The following SLC44A5 variants were observed in gnomAD, a reference collection of about 807,000 sequenced individuals.
SLC44A5 encodes choline transporter-like protein 5.
SLC44A5 carries 57 observed loss-of-function variants against 101.8 expected under a neutral mutation model. That is an observed-to-expected ratio of 0.56 (90% confidence interval 0.45 to 0.70). The LOEUF (loss-of-function observed/expected upper bound fraction) is 0.70. SLC44A5 is among the 30% of genes least tolerant of loss of function. The probability of loss-of-function intolerance (pLI) is 0.00; values close to 1 mark genes in which losing one functional copy is unlikely to be tolerated. For synonymous variants in SLC44A5, 281 were observed against 290.9 expected, an observed-to-expected ratio of 0.97 and a Z score of 0.35; for missense variants, 737 against 853.1, an observed-to-expected ratio of 0.86 and a Z score of 1.70.
the SLC44A5 span, among the ~76,000 whole-genome samples, chr1:75,681,914 A>T: frequency 6.6e-6 from 1 of 152,240 alleles, no homozygotes; most frequent in African/African-American, 2.4e-5. Context: ...GCAAAGTCTC[A>T]GGATACAAAA....
At chr1:75,351,846 C>CAAAAAAAAAAAAAAAAAAAAA in intron 3 of SLC44A5, among the ~76,000 whole-genome samples, 1 of 28,402 alleles carries the variant, frequency 3.5e-5, no homozygotes, top group Non-Finnish European at 5.9e-5. Context: ...CACACTTTAC[C>CAAAAAAAAAAAAAAAAAAAAA]AAAAAAAAAA....
At chr1:75,467,795 C>G (rs1013828121) in intron 2 of SLC44A5, among the ~76,000 whole-genome samples, 11 of 152,050 alleles carry the variant, frequency 7.2e-5, no homozygotes, top group Admixed American at 3.3e-4. Context: ...GAGTAATACC[C>G]CACAAGTGCA....
chr1:75,267,226 TAAAG>T (rs1217990816), intron 6 of SLC44A5, among the ~76,000 whole-genome samples: 1 of 152,140 alleles, frequency 6.6e-6, no homozygotes, highest in Non-Finnish European at 1.5e-5. Flanking sequence ...TATCAGGAAA[TAAAG>T]ACTGAGGTAG....
chr1:75,538,472 A>G (rs1199925824), intron 2 of SLC44A5, among the ~76,000 whole-genome samples: 1 of 152,218 alleles, frequency 6.6e-6, no homozygotes, highest in Non-Finnish European at 1.5e-5. Context: ...AAATTTTACA[A>G]TAAAGCATTG....
chr1:75,328,674 T>A (rs555734648), intron 4 of SLC44A5, among the ~76,000 whole-genome samples: 2 of 152,298 alleles, frequency 1.3e-5, no homozygotes, highest in South Asian at 4.1e-4. Context: ...ATGGCCCTCC[T>A]TAATTCCCTA....
chr1:75,493,627 A>T (rs1283840622), intron 2 of SLC44A5, among the ~76,000 whole-genome samples: 1 of 152,202 alleles, frequency 6.6e-6, no homozygotes, highest in African/African-American at 2.4e-5. Context: ...GGAAAAAAAT[A>T]GCTTTTAATA....
intron 3 of SLC44A5, among the ~76,000 whole-genome samples, chr1:75,388,810 T>C (rs1328791393): frequency 2.0e-5 from 3 of 150,552 alleles, no homozygotes; most frequent in Non-Finnish European, 4.4e-5. Flanking sequence ...AACTCACATA[T>C]CAATATTAAC....
chr1:75,525,855 A>G (rs1421831122), intron 2 of SLC44A5, among the ~76,000 whole-genome samples: 1 of 152,246 alleles, frequency 6.6e-6, no homozygotes, highest in Non-Finnish European at 1.5e-5. Flanking sequence ...TAGCTATACA[A>G]AGTAAATATG....
chr1:75,593,388 GA>G (rs1164967821), intron 1 of SLC44A5, among the ~76,000 whole-genome samples: 4 of 152,084 alleles, frequency 2.6e-5, no homozygotes, highest in African/African-American at 7.2e-5. Context: ...CTTTTGGTGG[GA>G]ATGTAAATTA....
At position 75,309,799 on chromosome 1, in the gene SLC44A5, T is replaced by TA. The variant is rs1655166608; in HGVS notation, c.102-9115dup. On this transcript the variant is annotated intron_variant, in intron 4 of 23. Transcript: ENST00000370859. ...ATTAGACAATATTTTGTAGACATTT[T>TA]AAAAAACACATAAAATGCTGTATCT... Among the ~76,000 whole-genome samples the TA allele has an allele frequency of 3.9e-5, 6 of 152,190 alleles. No individual in the cohort carries two copies. In the South Asian group the frequency reaches 1.2e-3, roughly 32 times the overall value.
chr1:75,272,484 GTT>G (rs1651567158), intron 6 of SLC44A5, among the ~76,000 whole-genome samples: 1 of 151,750 alleles, frequency 6.6e-6, no homozygotes, highest in Non-Finnish European at 1.5e-5. Context: ...GTCCAGAAGA[GTT>G]TTTCCAATGT....
chr1:75,648,731 T>G, the SLC44A5 span, among the ~76,000 whole-genome samples: 2 of 152,016 alleles, frequency 1.3e-5, no homozygotes, highest in African/African-American at 4.8e-5. Context: ...TTAGGAAATC[T>G]GAAGATACAG....
At chr1:75,610,271 C>A (rs1675579989) in intron 1 of SLC44A5, among the ~76,000 whole-genome samples, 1 of 151,900 alleles carries the variant, frequency 6.6e-6, no homozygotes, top group South Asian at 2.1e-4. Flanking sequence ...CATAGATATC[C>A]TGGAGAATTA....
intron 1 of SLC44A5, among the ~76,000 whole-genome samples, chr1:75,581,720 T>G (rs1673708840): frequency 6.6e-6 from 1 of 152,184 alleles, no homozygotes; most frequent in Non-Finnish European, 1.5e-5. Context: ...CCTTCATGAA[T>G]GACTTGGTGC....
At chr1:75,706,675 C>A in the SLC44A5 span, among the ~76,000 whole-genome samples, 2 of 152,096 alleles carry the variant, frequency 1.3e-5, no homozygotes, top group South Asian at 4.1e-4. Context: ...GTGATTCTTG[C>A]AAGCAACATA....
chr1:75,302,166 C>T (rs1654540901), intron 4 of SLC44A5, among the ~76,000 whole-genome samples: 1 of 109,610 alleles, frequency 9.1e-6, no homozygotes, highest in Admixed American at 1.3e-4. Context: ...CAAAAACACG[C>T]TTGGGTGTGA....
At chr1:75,321,520 A>G (rs759231287) in intron 4 of SLC44A5, among the ~76,000 whole-genome samples, 5 of 152,062 alleles carry the variant, frequency 3.3e-5, no homozygotes, top group African/African-American at 7.2e-5. Context: ...CACTAATCCC[A>G]TTCCTGAGGT....
At chr1:75,591,957 T>C (rs533705256) in intron 1 of SLC44A5, among the ~76,000 whole-genome samples, 2 of 152,224 alleles carry the variant, frequency 1.3e-5, no homozygotes, top group African/African-American at 4.8e-5. Flanking sequence ...GCCTTTCCTC[T>C]AAGATATGGG....
chr1:75,293,638 A>T (rs1381084433), intron 5 of SLC44A5, among the ~76,000 whole-genome samples: 1 of 152,248 alleles, frequency 6.6e-6, no homozygotes, highest in African/African-American at 2.4e-5. Context: ...CACCGCTGCT[A>T]TAGAAACATT....
Sources: gnomAD v4.1 joint callset for allele counts (sites outside exome capture counted in the v4.1 genomes callset) on GRCh38, gnomAD v4.1.1 for gene constraint, MANE v1.5 for transcripts, NCBI Gene and HGNC (gene_info 2026-07-23, HGNC 2026-07-21) for gene names.